Variants in CSRP2 observed in about 807,000 individuals in gnomAD.
The protein encoded by CSRP2 is cysteine and glycine rich protein 2, also known as cysteine and glycine-rich protein 2.
A neutral mutation model predicts 24.6 loss-of-function variants in CSRP2; 18 were observed. That is an observed-to-expected ratio of 0.73 (90% confidence interval 0.51 to 1.09). The LOEUF (loss-of-function observed/expected upper bound fraction) is 1.09. Ranked by LOEUF, CSRP2 falls within the 50% of genes least tolerant of loss-of-function variation. The pLI is 0.00. For synonymous variants in CSRP2, 87 were observed against 84.3 expected (o/e 1.03, Z -0.18); for missense variants, 215 against 239.4 (o/e 0.90, Z 0.67).
chr12:76,865,847 G>A, intron 2 of CSRP2: 1 of 349,170 alleles, frequency 2.9e-6, no homozygotes, highest in South Asian at 3.8e-5. Flanking sequence ...TGTGCTAGGT[G>A]CCAGACCACA....
Position 76,863,257 on chromosome 12 carries a change from C to T in CSRP2, c.200G>A (p.Gly67Glu), listed in dbSNP as rs1285186997. ...CTGGCCATAACCGTAGCCTTTTGGC[C>T]CATACTTCTTTCCGTAGCAGGATTT... is the stretch of plus-strand genomic sequence containing the variant. ...YCKSCYGKKY[G>E]PKGYGYGQGA... Residue 67 changes from glycine to glutamate, a missense_variant, in exon 3 of 6, where the codon GGG becomes GAG. Transcript: ENST00000311083. 1.2e-6 allele frequency: 2 copies of T among 1,614,202 alleles called. No individual in the cohort carries two copies. The highest frequency in any genetic ancestry group is 1.7e-4 in the Middle Eastern group (1 of 6,060).
rs1228630871 is a variant in CSRP2 at position 76,862,981 on chromosome 12, T to C, written c.281+195A>G. On this transcript the variant is annotated intron_variant, in intron 3 of 5. Transcript: ENST00000311083. ...AATGCTATAAAGCCAGAAGTAGAAATCACTGGAATTATTAATAAGAACTTT... is the reference window on the plus strand; with the variant it reads ...AATGCTATAAAGCCAGAAGTAGAAACCACTGGAATTATTAATAAGAACTTT... 4 of 1,456,572 alleles carry C rather than the reference T, an allele frequency of 2.7e-6. No homozygotes were observed. The South Asian group carries it at 5.7e-5, about 21-fold the overall frequency. 90.2% of individuals were successfully genotyped at this position (1,456,572 alleles called of 1,614,324 possible).
chr12:76,861,446 TG>T (rs1373147506), intron 3 of CSRP2: 1 of 151,662 alleles, frequency 6.6e-6, no homozygotes. Context: ...GACTTACTTT[TG>T]GGGTCATGGA....
chr12:76,868,937 G>GAAAAAAA (rs980686297), intron 1 of CSRP2, among the ~76,000 whole-genome samples: 2 of 61,234 alleles, frequency 3.3e-5, no homozygotes, highest in African/African-American at 5.5e-5. Context: ...CGCCTCAAAA[G>GAAAAAAA]AAAAAAAAAA....
intron 2 of CSRP2, chr12:76,865,654 A>C (rs554304015): frequency 6.5e-6 from 1 of 152,860 alleles, no homozygotes; most frequent in East Asian, 1.9e-4. Context: ...ATCATTCATT[A>C]AAGAAAATTC....
chr12:76,873,049 C>T (rs1953817377), intron 1 of CSRP2, among the ~76,000 whole-genome samples: 1 of 152,168 alleles, frequency 6.6e-6, no homozygotes, highest in Non-Finnish European at 1.5e-5. Flanking sequence ...CTATATGTTA[C>T]CATTTAAAGT....
intron 1 of CSRP2, chr12:76,878,248 T>C (rs762946667): frequency 2.0e-5 from 3 of 152,244 alleles, no homozygotes; most frequent in Non-Finnish European, 2.9e-5. Flanking sequence ...CCAAGCATTC[T>C]TGCATTCTTC....
At chr12:76,863,037 G>A (rs1204719385) in intron 3 of CSRP2, 139 bp downstream of exon 3, 1 of 1,434,258 alleles carries the variant, frequency 7.0e-7, no homozygotes, top group African/African-American at 1.4e-5. Flanking sequence ...TTTTGAACTA[G>A]TTGACATTAG....
intron 1 of CSRP2, among the ~76,000 whole-genome samples, chr12:76,867,760 G>A (rs1288431326): frequency 2.6e-5 from 4 of 152,134 alleles, no homozygotes; most frequent in Non-Finnish European, 5.9e-5. Context: ...TAATAAGGCC[G>A]AGGCCTCTTA....
At chr12:76,874,469 G>T (rs1953833599) in intron 1 of CSRP2, among the ~76,000 whole-genome samples, 1 of 152,188 alleles carries the variant, frequency 6.6e-6, no homozygotes, top group African/African-American at 2.4e-5. Flanking sequence ...ATAGGCGGTT[G>T]TAAAGATTTA....
intron 2 of CSRP2, chr12:76,865,929 C>A: frequency 1.8e-6 from 1 of 551,662 alleles, no homozygotes; most frequent in African/African-American, 1.9e-5. Flanking sequence ...AAATGGAGGC[C>A]AAAAGCTATG....
chr12:76,859,746 C>T, intron 4 of CSRP2, 106 bp from the exon 5 acceptor site: 1 of 767,936 alleles, frequency 1.3e-6, no homozygotes, highest in South Asian at 1.9e-5. Context: ...AAGCAAGCTC[C>T]TGACTTCTGT....
At position 76,860,350 on chromosome 12, in the gene CSRP2, A is replaced by AC; in HGVS notation, c.344dup (p.Ala116CysfsTer2). 1.9e-6 allele frequency: 3 copies of AC among 1,614,084 alleles called. No homozygotes were observed. Among genetic ancestry groups the AC allele is most frequent in the Non-Finnish European group, 2.5e-6 (3 of 1,179,988 alleles). On this transcript the variant is annotated frameshift_variant, in exon 4 of 6. Transcript: ENST00000311083. LOFTEE classifies it high-confidence loss of function. ...CCCCACATCTGGAACACTTCTCAGCACCTCCATATTTCTGAGCAAATTTAG... is the reference window on the plus strand; with the variant it reads ...CCCCACATCTGGAACACTTCTCAGCACCCTCCATATTTCTGAGCAAATTTAG...
chr12:76,869,108 A>G (rs1953765535), intron 1 of CSRP2, among the ~76,000 whole-genome samples: 1 of 152,144 alleles, frequency 6.6e-6, no homozygotes, highest in Non-Finnish European at 1.5e-5. Context: ...AAGGTATGGC[A>G]GGTTTAGTGT....
At chr12:76,859,295 C>G (rs912132986) in intron 5 of CSRP2, among the ~76,000 whole-genome samples, 2 of 152,182 alleles carry the variant, frequency 1.3e-5, no homozygotes, top group African/African-American at 2.4e-5. Flanking sequence ...TGTTTTCTTC[C>G]ATATACTTAC....
chr12:76,868,426 T>C (rs1953756292), intron 1 of CSRP2, among the ~76,000 whole-genome samples: 1 of 152,174 alleles, frequency 6.6e-6, no homozygotes, highest in Non-Finnish European at 1.5e-5. Context: ...TCACAAGATC[T>C]GATGGTTTTA....
intron 4 of CSRP2, 103 bp from the exon 5 acceptor site, chr12:76,859,743 C>T: frequency 1.3e-6 from 1 of 774,294 alleles, no homozygotes; most frequent in Non-Finnish European, 2.1e-6. Context: ...TCAAAGCAAG[C>T]TCCTGACTTC....
At chr12:76,874,430 G>A (rs924969267) in intron 1 of CSRP2, among the ~76,000 whole-genome samples, 1 of 152,166 alleles carries the variant, frequency 6.6e-6, no homozygotes, top group Non-Finnish European at 1.5e-5. Flanking sequence ...TTCCTCAGAG[G>A]TAACTTGGAA....
At chr12:76,860,012 C>A (rs753136381) in intron 4 of CSRP2, among the ~76,000 whole-genome samples, 10 of 152,202 alleles carry the variant, frequency 6.6e-5, no homozygotes, top group Non-Finnish European at 1.3e-4. Context: ...TACTGAATAA[C>A]CTGGAGATTC....
Sources: allele counts gnomAD v4.1 joint callset (sites outside exome capture counted in the v4.1 genomes callset), GRCh38; gene constraint gnomAD v4.1.1; transcripts MANE v1.5; gene names NCBI Gene and HGNC (gene_info 2026-07-23, HGNC 2026-07-21).